Variants in NALF1 observed in about 807,000 individuals in gnomAD.
NALF1 encodes NALCN channel auxiliary factor 1, also known as family with sequence similarity 155 member A.
NALF1 carries 3 observed loss-of-function variants against 48.4 expected under a neutral mutation model. That is an observed-to-expected ratio of 0.06 (90% confidence interval 0.03 to 0.16). The LOEUF (loss-of-function observed/expected upper bound fraction) is 0.16. Among genes scored for constraint, NALF1 ranks in the 10% least tolerant of loss-of-function variants. The pLI, the probability that NALF1 is intolerant of heterozygous loss-of-function variation, is 1.00. For missense variants in NALF1, 526 were observed against 571.5 expected (o/e 0.92, Z 0.81); for synonymous variants, 262 against 245.7 (o/e 1.07, Z -0.62).
At chr13:107,186,200 T>C (rs992965083) in intron 2 of NALF1, among the ~76,000 whole-genome samples, 6 of 151,898 alleles carry the variant, frequency 4.0e-5, no homozygotes, top group African/African-American at 1.5e-4. Flanking sequence ...TTTGACGGGG[T>C]TTAGTATCCA....
chr13:107,765,598 T>C (rs768904521), intron 1 of NALF1, among the ~76,000 whole-genome samples: 1 of 152,170 alleles, frequency 6.6e-6, no homozygotes, highest in African/African-American at 2.4e-5. Flanking sequence ...ATCTATTTAA[T>C]GATAGATTTA....
chr13:107,364,004 T>G (rs1234475268), intron 1 of NALF1, among the ~76,000 whole-genome samples: 1 of 152,236 alleles, frequency 6.6e-6, no homozygotes, highest in Non-Finnish European at 1.5e-5. Flanking sequence ...TTGCATTTTC[T>G]GAACGTTCTA....
intron 1 of NALF1, among the ~76,000 whole-genome samples, chr13:107,340,209 C>T (rs1210042332): frequency 1.3e-5 from 2 of 150,096 alleles, no homozygotes; most frequent in South Asian, 2.1e-4. Flanking sequence ...GGTGCAATCT[C>T]GGCTCACTGC....
At chr13:107,812,914 C>T (rs1879042304) in intron 1 of NALF1, among the ~76,000 whole-genome samples, 1 of 152,046 alleles carries the variant, frequency 6.6e-6, no homozygotes, top group Non-Finnish European at 1.5e-5. Context: ...CATCACCACA[C>T]CTGGCTAATT....
At chr13:107,539,831 T>C (rs1876948905) in intron 1 of NALF1, among the ~76,000 whole-genome samples, 1 of 152,108 alleles carries the variant, frequency 6.6e-6, no homozygotes, top group African/African-American at 2.4e-5. Flanking sequence ...AGACTCAAAC[T>C]CAGTTCTATG....
At chr13:107,230,816 T>A (rs187001950) in intron 1 of NALF1, among the ~76,000 whole-genome samples, 1 of 151,800 alleles carries the variant, frequency 6.6e-6, no homozygotes, top group Admixed American at 6.6e-5. Flanking sequence ...TCCCAGCACG[T>A]TGGGAGGCCA....
Position 107,816,295 on chromosome 13 carries a change from G to A in NALF1, c.915+49387C>T, listed in dbSNP as rs974782703. ...GATAGATGCATTAGTCCATTTTCAC[G>A]CTGCTGATAAAGACATATACGAGGC... On this transcript the variant is annotated intron_variant, in intron 1 of 2. Transcript: ENST00000375915. Among the ~76,000 whole-genome samples the A allele has an allele frequency of 2.6e-5, 4 of 152,196 alleles. No homozygotes were observed. The South Asian group carries it at 6.2e-4, about 24-fold the overall frequency.
chr13:107,510,600 A>T (rs16970397), intron 1 of NALF1, among the ~76,000 whole-genome samples: 5,455 of 152,270 alleles, frequency 0.036, 183 homozygotes, highest in African/African-American at 0.083. Context: ...ATTATATTTT[A>T]TGCCCAGTGT....
chr13:107,480,980 GAA>G (rs1055752070), intron 1 of NALF1, among the ~76,000 whole-genome samples: 1 of 148,182 alleles, frequency 6.7e-6, no homozygotes, highest in Non-Finnish European at 1.5e-5. Context: ...AAACTGGGTT[GAA>G]AAAAAAAACT....
chr13:107,392,144 T>G (rs2138983858), intron 1 of NALF1, among the ~76,000 whole-genome samples: 1 of 152,224 alleles, frequency 6.6e-6, no homozygotes, highest in East Asian at 1.9e-4. Context: ...TCTGCTTGTC[T>G]CCCTTTGTTG....
intron 1 of NALF1, among the ~76,000 whole-genome samples, chr13:107,294,671 C>T (rs1486927466): frequency 6.6e-6 from 1 of 152,124 alleles, no homozygotes; most frequent in Admixed American, 6.5e-5. Context: ...AAAGAGAGCC[C>T]GAAAAACTTG....
chr13:107,851,848 A>G (rs1323839289), intron 1 of NALF1, among the ~76,000 whole-genome samples: 1 of 115,932 alleles, frequency 8.6e-6, no homozygotes, highest in Non-Finnish European at 1.6e-5. Flanking sequence ...TTGCTCTGTC[A>G]TGCAGGCTTG....
At chr13:107,263,758 A>C (rs1459737684) in intron 1 of NALF1, among the ~76,000 whole-genome samples, 1 of 152,164 alleles carries the variant, frequency 6.6e-6, no homozygotes, top group Non-Finnish European at 1.5e-5. Flanking sequence ...TACCCAGTCT[A>C]AGGTATGTCT....
chr13:107,327,171 T>C (rs1437996586), intron 1 of NALF1, among the ~76,000 whole-genome samples: 1 of 152,194 alleles, frequency 6.6e-6, no homozygotes, highest in Non-Finnish European at 1.5e-5. Flanking sequence ...AACTTTGCTA[T>C]CAGGCAAGGA....
chr13:107,497,906 C>T (rs1034564227), intron 1 of NALF1, among the ~76,000 whole-genome samples: 10 of 152,154 alleles, frequency 6.6e-5, no homozygotes, highest in African/African-American at 2.4e-4. Flanking sequence ...CATATGCATG[C>T]AGATAAAGTC....
intron 1 of NALF1, among the ~76,000 whole-genome samples, chr13:107,302,080 G>T (rs1839886372): frequency 6.6e-6 from 1 of 152,168 alleles, no homozygotes; most frequent in Non-Finnish European, 1.5e-5. Flanking sequence ...CTAATGGATT[G>T]ATAGATTAAT....
chr13:107,201,526 G>A (rs1309013847), intron 2 of NALF1, among the ~76,000 whole-genome samples: 5 of 152,028 alleles, frequency 3.3e-5, no homozygotes, highest in Non-Finnish European at 5.9e-5. Flanking sequence ...CCAGTGAGTC[G>A]AGATCGTGCC....
At chr13:107,607,089 C>T (rs1220271244) in intron 1 of NALF1, among the ~76,000 whole-genome samples, 1 of 152,128 alleles carries the variant, frequency 6.6e-6, no homozygotes, top group African/African-American at 2.4e-5. Flanking sequence ...ACCGCAATTA[C>T]CTTTTGCACT....
chr13:107,776,828 T>C (rs1392488862), intron 1 of NALF1, among the ~76,000 whole-genome samples: 2 of 152,234 alleles, frequency 1.3e-5, no homozygotes, highest in Admixed American at 6.5e-5. Context: ...TGTTGGCTCA[T>C]GCCTGCAATC....
Sources: allele counts gnomAD v4.1 joint callset (sites outside exome capture counted in the v4.1 genomes callset), GRCh38; gene constraint gnomAD v4.1.1; transcripts MANE v1.5; gene names NCBI Gene and HGNC (gene_info 2026-07-23, HGNC 2026-07-21).